Variants in CFAP54 observed in about 807,000 individuals in gnomAD.
The protein encoded by CFAP54 is cilia and flagella associated protein 54.
In CFAP54, 290 loss-of-function variants were observed where a neutral mutation model predicts 370.4. The observed-to-expected ratio is 0.78, with a 90% CI of 0.71 to 0.86. The LOEUF is 0.86. Ranked by LOEUF, CFAP54 falls within the 40% of genes least tolerant of loss-of-function variation. The pLI is 0.00. For synonymous variants in CFAP54, 1,206 were observed against 1,236.5 expected, an observed-to-expected ratio of 0.98 and a Z score of 0.52; for missense variants, 3,399 against 3,528.7, an observed-to-expected ratio of 0.96 and a Z score of 0.93.
At chr12:96,866,477 G>A (rs1167262107) in intron 67 of CFAP54, among the ~76,000 whole-genome samples, 1 of 152,008 alleles carries the variant, frequency 6.6e-6, no homozygotes, top group East Asian at 1.9e-4. Context: ...TGATATTTAA[G>A]ATAACTTTCA....
Position 96,507,102 on chromosome 12 carries a change from A to C in CFAP54, c.739+3A>C. On this transcript the variant is annotated splice_donor_region_variant and intron_variant, in intron 4 of 67. Coordinates refer to ENST00000524981, the MANE Select transcript of CFAP54 (RefSeq NM_001306084.2). Reference sequence around the variant, plus strand: ...TCTTTGCTGGATTATCTTCAATGGTATATGCTGATGTATTTTATTTTCCAT... The same window carrying C: ...TCTTTGCTGGATTATCTTCAATGGTCTATGCTGATGTATTTTATTTTCCAT... 1 of 1,512,142 alleles carries C rather than the reference A, an allele frequency of 6.6e-7. No homozygotes were observed. The highest frequency in any genetic ancestry group is 8.8e-7 in the Non-Finnish European group (1 of 1,138,226). 93.7% of individuals were successfully genotyped at this position (1,512,142 alleles called of 1,614,324 possible).
At chr12:96,614,749 TC>T (rs1471509677) in intron 26 of CFAP54, among the ~76,000 whole-genome samples, 1 of 152,146 alleles carries the variant, frequency 6.6e-6, no homozygotes, top group African/African-American at 2.4e-5. Context: ...ATGAGTGAAC[TC>T]CCATTCACAA....
chr12:96,696,229 C>T (rs1448747547), intron 45 of CFAP54, among the ~76,000 whole-genome samples: 1 of 152,132 alleles, frequency 6.6e-6, no homozygotes, highest in Non-Finnish European at 1.5e-5. Flanking sequence ...TAGAAGATAA[C>T]ATGAGTATAC....
At chr12:96,854,747 A>G (rs1451647630) in intron 66 of CFAP54, among the ~76,000 whole-genome samples, 1 of 152,184 alleles carries the variant, frequency 6.6e-6, no homozygotes, top group Non-Finnish European at 1.5e-5. Flanking sequence ...TTTTATTTGA[A>G]TAAACTCATT....
At chr12:96,855,196 A>G (rs767530098) in intron 66 of CFAP54, among the ~76,000 whole-genome samples, 1 of 152,154 alleles carries the variant, frequency 6.6e-6, no homozygotes, top group Non-Finnish European at 1.5e-5. Context: ...ATTACCTCCC[A>G]CCAGGTCCCT....
chr12:96,750,846 CA>C (rs2136652964), intron 55 of CFAP54, among the ~76,000 whole-genome samples: 1 of 152,296 alleles, frequency 6.6e-6, no homozygotes, highest in African/African-American at 2.4e-5. Context: ...AAACCCAAAG[CA>C]GCTTTTCTGT....
In CFAP54 at chr12:96,644,254, G is replaced by A. The variant is rs1956765733; in HGVS notation, c.4393G>A (p.Val1465Ile). Residue 1465 changes from valine (V) to isoleucine (I), a missense_variant, in exon 33 of 68, where the codon GTT (valine) becomes ATT (isoleucine). Transcript: ENST00000524981. ...CTTGAATCCTCTAATATTAAGTTAT[G>A]TTAAAAGAAAGAGGTTCCATCGTCT... ...DYLNPLILSY[V>I]KRKRFHRLSL... The A allele has an allele frequency of 2.0e-6, 3 of 1,535,864 alleles. No individual in the cohort carries two copies. Among genetic ancestry groups the A allele is most frequent in the Admixed American group, 2.0e-5 (1 of 50,980 alleles).
At chr12:96,544,432 C>G (rs369336888) in intron 14 of CFAP54, among the ~76,000 whole-genome samples, 1 of 121,538 alleles carries the variant, frequency 8.2e-6, no homozygotes, top group African/African-American at 2.9e-5. Context: ...CTCTCTCTCT[C>G]TCTCTCTCTC....
rs775488960 is a variant in CFAP54 at position 96,825,396 on chromosome 12, ATGT to A, written c.9097-3614_9097-3612del. 2.5e-3 allele frequency among the ~76,000 whole-genome samples: 300 copies of A among 119,084 alleles called. 4 individuals are homozygous for A. Among genetic ancestry groups the A allele is most frequent in the East Asian group, 9.7e-3 (42 of 4,314 alleles). 78.1% of individuals were successfully genotyped at this position (119,084 alleles called of 152,430 possible). ...TAACATGTGTTATATATTATGTAAC[ATGT>A]TGTATTATATAATATGTAACATGTT... On this transcript the variant is annotated intron_variant, in intron 65 of 67. Transcript: ENST00000524981.
intron 65 of CFAP54, among the ~76,000 whole-genome samples, chr12:96,827,758 AC>A (rs1959135321): frequency 8.6e-6 from 1 of 115,684 alleles, no homozygotes; most frequent in African/African-American, 3.6e-5. Context: ...ATACATAGTA[AC>A]ATATTATATT....
chr12:96,533,914 A>G lies in CFAP54; in HGVS notation c.1480A>G (p.Thr494Ala), dbSNP rs1422354140. The G allele has an allele frequency of 2.0e-6, 3 of 1,534,714 alleles. No homozygotes were observed. Among genetic ancestry groups the G allele is most frequent in the Non-Finnish European group, 2.6e-6 (3 of 1,146,316 alleles). The change falls in exon 10 of 68, where the codon ACC becomes GCC. Residue 494 changes from threonine (T) to alanine (A), a missense_variant. Physicochemically the swap from Thr to Ala is moderately conservative, Grantham distance 58 (BLOSUM62 0). Coordinates refer to ENST00000524981, the MANE Select transcript of CFAP54 (RefSeq NM_001306084.2). ...AAVKFIKLAFTYEEWSLFESS... is the reference protein window; with the variant it reads ...AAVKFIKLAFAYEEWSLFESS... ...TGTGAAATTTATAAAATTAGCTTTT[A>G]CCTATGAGGAGTGGAGTTTATTTGA...
intron 3 of CFAP54, among the ~76,000 whole-genome samples, chr12:96,504,895 C>A (rs1955074914): frequency 6.6e-6 from 1 of 152,080 alleles, no homozygotes; most frequent in Admixed American, 6.6e-5. Flanking sequence ...CTACCTTCTG[C>A]TTTTTGCTTT....
intron 38 of CFAP54, 94 bp from the exon 39 acceptor site, chr12:96,663,736 C>A: frequency 1.2e-6 from 1 of 834,124 alleles, no homozygotes. Context: ...TCTCTTTATT[C>A]TGATAAATAA....
intron 67 of CFAP54, among the ~76,000 whole-genome samples, chr12:96,871,500 A>G (rs545890485): frequency 6.6e-6 from 1 of 152,370 alleles, no homozygotes; most frequent in South Asian, 2.1e-4. Flanking sequence ...TGTACAGTAA[A>G]TAATTAAAAA....
chr12:96,585,089 GC>G (rs1259457772), intron 22 of CFAP54, among the ~76,000 whole-genome samples: 2 of 151,104 alleles, frequency 1.3e-5, no homozygotes, highest in African/African-American at 4.9e-5. Context: ...AGGCTGGAAT[GC>G]CGCTGATCTC....
chr12:96,637,887 A>C lies in CFAP54; in HGVS notation c.4317-6291A>C, dbSNP rs566458532. Among the ~76,000 whole-genome samples, 5 of 152,290 alleles carry C rather than the reference A, an allele frequency of 3.3e-5. No homozygotes were observed. The South Asian group carries it at 1.0e-3, about 32-fold the overall frequency. On this transcript the variant is annotated intron_variant, in intron 32 of 67. Coordinates refer to ENST00000524981, the MANE Select transcript of CFAP54 (RefSeq NM_001306084.2). ...TACCTTTTCCATGTTTAGATGTACAAATACCATCTTGTCATAATTGCCTAC... is the reference window on the plus strand; with the variant it reads ...TACCTTTTCCATGTTTAGATGTACACATACCATCTTGTCATAATTGCCTAC...
intron 45 of CFAP54, 105 bp from the exon 46 acceptor site, chr12:96,699,866 C>A (rs1318856402): frequency 2.2e-6 from 2 of 917,572 alleles, no homozygotes; most frequent in South Asian, 1.7e-5. Flanking sequence ...CAACATTAAG[C>A]AGAAACTTTG....
chr12:96,608,336 T>C (rs112547945), intron 26 of CFAP54, among the ~76,000 whole-genome samples: 12 of 140,252 alleles, frequency 8.6e-5, no homozygotes, highest in South Asian at 4.6e-4. Context: ...CACACACACA[T>C]ACGCACACAC....
intron 66 of CFAP54, among the ~76,000 whole-genome samples, chr12:96,830,759 A>G (rs996965218): frequency 1.3e-5 from 2 of 151,844 alleles, no homozygotes; most frequent in Admixed American, 6.6e-5. Flanking sequence ...GCTCACTGCA[A>G]CCTCCACTTG....
Sources: allele counts gnomAD v4.1 joint callset (sites outside exome capture counted in the v4.1 genomes callset), GRCh38; gene constraint gnomAD v4.1.1; transcripts MANE v1.5; gene names NCBI Gene and HGNC (gene_info 2026-07-23, HGNC 2026-07-21).